MECOM: variants seen among roughly 807,000 people sequenced by gnomAD.
MECOM encodes the protein histone-lysine N-methyltransferase MECOM.
MECOM carries 13 observed loss-of-function variants against 116.3 expected under a neutral mutation model. The observed-to-expected ratio is 0.11, with a 90% confidence interval of 0.07 to 0.18. The LOEUF is 0.18. MECOM is among the 10% of genes least tolerant of loss of function. MECOM has a pLI of 1.00. For missense variants in MECOM, 1,299 were observed against 1,509.0 expected (o/e 0.86, Z 2.31); for synonymous variants, 528 against 535.2 (o/e 0.99, Z 0.19).
intron 1 of MECOM, among the ~76,000 whole-genome samples, chr3:169,518,978 T>C (rs1757037110): frequency 6.6e-6 from 1 of 152,176 alleles, no homozygotes; most frequent in African/African-American, 2.4e-5. Context: ...TAAACCTCTT[T>C]CTTTCATAAA....
intron 2 of MECOM, among the ~76,000 whole-genome samples, chr3:169,335,687 G>C (rs1458798212): frequency 6.6e-6 from 1 of 152,074 alleles, no homozygotes; most frequent in Admixed American, 6.6e-5. Flanking sequence ...GTTACACTGT[G>C]TTATAATATG....
At chr3:169,333,462 G>T (rs1385383481) in intron 2 of MECOM, among the ~76,000 whole-genome samples, 1 of 152,092 alleles carries the variant, frequency 6.6e-6, no homozygotes, top group Non-Finnish European at 1.5e-5. Context: ...TTGGCCAGTT[G>T]CTTGGTTGAC....
At chr3:169,205,499 C>T (rs1260348350) in intron 2 of MECOM, among the ~76,000 whole-genome samples, 1 of 152,140 alleles carries the variant, frequency 6.6e-6, no homozygotes, top group Non-Finnish European at 1.5e-5. Context: ...TAAGACAAGG[C>T]TTTCCTTTGA....
intron 2 of MECOM, among the ~76,000 whole-genome samples, chr3:169,312,635 C>G (rs11915393): frequency 0.5 from 75,360 of 152,012 alleles, 19,668 homozygotes; most frequent in East Asian, 0.8. Flanking sequence ...GCCTCGGCCT[C>G]CCAAAGTGCC....
intron 1 of MECOM, among the ~76,000 whole-genome samples, chr3:169,628,779 G>A (rs1029101439): frequency 6.6e-6 from 1 of 152,170 alleles, no homozygotes; most frequent in Non-Finnish European, 1.5e-5. Flanking sequence ...AGGGGGAGGA[G>A]CATTCCCTGT....
chr3:169,083,692 G>A lies in MECOM; in HGVS notation c.*1217C>T, dbSNP rs542500336. 4.9e-6 allele frequency: 1 copy of A among 203,594 alleles called. No individual in the cohort carries two copies. The highest frequency in any genetic ancestry group is 1.9e-4 in the South Asian group (1 of 5,236). 12.6% of individuals were successfully genotyped at this position (203,594 alleles called of 1,614,324 possible). A position where few individuals can be genotyped will look rare whatever the true frequency, so the allele number is the denominator to read the frequency against. Reference sequence around the variant, plus strand: ...ATAAAGGGCAAAATAACTGAATACAGTCTGTTATTTACTTCTCTCTTTTAA... The same window carrying A: ...ATAAAGGGCAAAATAACTGAATACAATCTGTTATTTACTTCTCTCTTTTAA... On this transcript the variant is annotated 3_prime_UTR_variant, in exon 17 of 17. Coordinates refer to ENST00000651503, the MANE Select transcript of MECOM (RefSeq NM_004991.4).
chr3:169,427,985 T>TAAG (rs1297732796), intron 1 of MECOM, among the ~76,000 whole-genome samples: 1 of 152,150 alleles, frequency 6.6e-6, no homozygotes, highest in Non-Finnish European at 1.5e-5. Context: ...GGTATCCCTA[T>TAAG]AAGAAGAGGA....
chr3:169,660,731 C>T (rs576046529), intron 1 of MECOM, among the ~76,000 whole-genome samples: 3 of 152,226 alleles, frequency 2.0e-5, no homozygotes, highest in South Asian at 4.1e-4. Flanking sequence ...ATGATTGCAC[C>T]GCAGGGGTCA....
At chr3:169,238,103 G>T (rs1024520375) in intron 2 of MECOM, among the ~76,000 whole-genome samples, 10 of 150,798 alleles carry the variant, frequency 6.6e-5, no homozygotes, top group African/African-American at 2.4e-4. Context: ...TGAACCCAGG[G>T]GGCAAAGGTT....
rs1045532781 is a variant in MECOM, at chr3:169,176,344, T to C, written c.376-32512A>G. On this transcript the variant is annotated intron_variant, in intron 2 of 16. Transcript: ENST00000651503. ...ATGAAATATAAGAATGAGGTAGGCA[T>C]TGACAAAAACAAGCAATGAGGAAAG... Among the ~76,000 whole-genome samples, 141 of 151,884 alleles carry C rather than the reference T, an allele frequency of 9.3e-4. 1 individual carries two copies. The highest frequency in any genetic ancestry group is 3.3e-3 in the African/African-American group (136 of 41,456).
intron 2 of MECOM, among the ~76,000 whole-genome samples, chr3:169,340,192 T>C (rs1200647180): frequency 1.3e-5 from 2 of 152,142 alleles, no homozygotes; most frequent in Admixed American, 1.3e-4. Flanking sequence ...CAAACAAAAA[T>C]GAATGAAGCT....
chr3:169,655,277 G>A (rs1243490156), intron 1 of MECOM, among the ~76,000 whole-genome samples: 2 of 152,130 alleles, frequency 1.3e-5, no homozygotes, highest in Non-Finnish European at 2.9e-5. Flanking sequence ...AAAAATAGGA[G>A]AGAGCTTAAG....
intron 1 of MECOM, among the ~76,000 whole-genome samples, chr3:169,631,524 A>G (rs112931480): frequency 0.034 from 5,224 of 151,782 alleles, 316 homozygotes; most frequent in African/African-American, 0.12. Context: ...GGTTAGTTAC[A>G]TATGTATACA....
intron 1 of MECOM, among the ~76,000 whole-genome samples, chr3:169,661,677 C>G (rs558086559): frequency 6.6e-6 from 1 of 152,316 alleles, no homozygotes; most frequent in Admixed American, 6.5e-5. Context: ...GACTCCAATG[C>G]CCGCGAAGCC....
chr3:169,266,528 C>T (rs1019610244), intron 2 of MECOM, among the ~76,000 whole-genome samples: 1 of 152,186 alleles, frequency 6.6e-6, no homozygotes, highest in South Asian at 2.1e-4. Flanking sequence ...TCCAGGCTCA[C>T]TTCCAAGCCA....
At chr3:169,315,212 T>C (rs1195085506) in intron 2 of MECOM, among the ~76,000 whole-genome samples, 3 of 152,096 alleles carry the variant, frequency 2.0e-5, no homozygotes, top group African/African-American at 7.2e-5. Flanking sequence ...CCAGGCCAAG[T>C]CCAGAGGGCA....
chr3:169,362,057 G>A (rs1185506245), intron 2 of MECOM, among the ~76,000 whole-genome samples: 3 of 151,888 alleles, frequency 2.0e-5, no homozygotes, highest in South Asian at 2.1e-4. Flanking sequence ...AGTTTCACAC[G>A]GGAGAAATGA....
intron 2 of MECOM, among the ~76,000 whole-genome samples, chr3:169,165,498 A>G (rs981482929): frequency 6.6e-6 from 1 of 152,180 alleles, no homozygotes; most frequent in African/African-American, 2.4e-5. Context: ...TTGTCATGCT[A>G]AATACAAGAG....
At chr3:169,396,777 T>C (rs9879159) in intron 1 of MECOM, among the ~76,000 whole-genome samples, 9,224 of 152,108 alleles carry the variant, frequency 0.061, 615 homozygotes, top group African/African-American at 0.16. Context: ...TCGAGACCAG[T>C]GTGACAAACC....
Sources: gnomAD v4.1 joint callset for allele counts (sites outside exome capture counted in the v4.1 genomes callset) on GRCh38, gnomAD v4.1.1 for gene constraint, MANE v1.5 for transcripts, NCBI Gene and HGNC (gene_info 2026-07-23, HGNC 2026-07-21) for gene names.